Variants in ASIC2 observed in about 807,000 individuals in gnomAD.
ASIC2 encodes the protein acid-sensing ion channel 2.
ASIC2 carries 25 observed loss-of-function variants against 57.3 expected under a neutral mutation model. That is an observed-to-expected ratio of 0.44 (90% CI 0.32 to 0.61). The LOEUF is 0.61. ASIC2 is among the 20% of genes least tolerant of loss of function. The pLI is 0.06. For missense variants in ASIC2, 641 were observed against 738.1 expected, an observed-to-expected ratio of 0.87 and a Z score of 1.52; for synonymous variants, 319 against 307.5, an observed-to-expected ratio of 1.04 and a Z score of -0.39.
intron 1 of ASIC2, among the ~76,000 whole-genome samples, chr17:33,402,164 T>C (rs11080217): frequency 0.48 from 72,793 of 151,988 alleles, 17,723 homozygotes; most frequent in South Asian, 0.54. Context: ...GGGTTAGATC[T>C]GAGGGGCCAC....
intron 1 of ASIC2, among the ~76,000 whole-genome samples, chr17:33,320,064 C>G (rs1184697910): frequency 6.6e-6 from 1 of 152,094 alleles, no homozygotes; most frequent in Non-Finnish European, 1.5e-5. Context: ...TAATAAGGAG[C>G]TCGTGGAGCA....
At chr17:33,035,126 G>A (rs2091903734) in intron 3 of ASIC2, among the ~76,000 whole-genome samples, 1 of 151,988 alleles carries the variant, frequency 6.6e-6, no homozygotes, top group African/African-American at 2.4e-5. Context: ...GCAACAATTT[G>A]TAAATTTCAG....
intron 1 of ASIC2, among the ~76,000 whole-genome samples, chr17:33,805,702 T>A (rs1469474581): frequency 6.6e-6 from 1 of 152,148 alleles, no homozygotes; most frequent in Admixed American, 6.5e-5. Context: ...TTCTGACGTT[T>A]CCCTTTCAGA....
Position 33,902,860 on chromosome 17 carries a change from AT to A in ASIC2, c.555+253117del, listed in dbSNP as rs1915261602. Among the ~76,000 whole-genome samples the A allele has an allele frequency of 2.0e-5, 3 of 152,178 alleles. No homozygotes were observed. In the South Asian group the frequency reaches 6.2e-4, roughly 32 times the overall value. Reference sequence around the variant, plus strand: ...TCCTGCCATTTCCCCAAAACCATCAATTTCTAGGAAATCAATGTCAAACCCA... The same window carrying A: ...TCCTGCCATTTCCCCAAAACCATCAATTCTAGGAAATCAATGTCAAACCCA... On this transcript the variant is annotated intron_variant, in intron 1 of 9. Coordinates refer to the ASIC2 transcript ENST00000359872.
chr17:33,710,895 A>G lies in ASIC2; in HGVS notation c.555+445083T>C, dbSNP rs189297914. 3.9e-5 allele frequency among the ~76,000 whole-genome samples: 6 copies of G among 152,218 alleles called. No individual in the cohort carries two copies. The East Asian group carries it at 1.2e-3, about 29-fold the overall frequency. ...CCTGGGTTATAAATAAGATGACGCT[A>G]TTTTGTTAAAAAGCAGTAGTTTGAG... is the stretch of plus-strand genomic sequence containing the variant. On this transcript the variant is annotated intron_variant, in intron 1 of 9. Coordinates refer to the ASIC2 transcript ENST00000359872.
intron 1 of ASIC2, among the ~76,000 whole-genome samples, chr17:33,267,716 G>A (rs1458124910): frequency 6.6e-6 from 1 of 152,238 alleles, no homozygotes; most frequent in Non-Finnish European, 1.5e-5. Context: ...AGCTGCACAG[G>A]CATCTTGCAG....
intron 1 of ASIC2, among the ~76,000 whole-genome samples, chr17:33,579,919 A>G (rs966711564): frequency 6.6e-6 from 1 of 152,114 alleles, no homozygotes; most frequent in Non-Finnish European, 1.5e-5. Flanking sequence ...CATTTTACAG[A>G]GAGCTGATTG....
rs1252789833 is a variant in ASIC2, at chr17:33,671,799, T to A, written c.555+484179A>T. 2.0e-5 allele frequency among the ~76,000 whole-genome samples: 3 copies of A among 152,220 alleles called. No homozygotes were observed. The East Asian group carries it at 5.8e-4, about 29-fold the overall frequency. On this transcript the variant is annotated intron_variant, in intron 1 of 9. Transcript: ENST00000359872. The stretch of plus-strand genomic sequence containing the variant: ...CGCGAGATGCACCGCTTCATGCTTT[T>A]ATTAGGAACCTGATAAATGGAACCA...
intron 1 of ASIC2, among the ~76,000 whole-genome samples, chr17:33,945,184 C>A (rs372843045): frequency 2.0e-5 from 3 of 152,296 alleles, no homozygotes; most frequent in African/African-American, 7.2e-5. Flanking sequence ...CACTTAACAT[C>A]CCGAACCTGT....
intron 1 of ASIC2, among the ~76,000 whole-genome samples, chr17:33,256,085 T>TA (rs1567800675): frequency 6.6e-6 from 1 of 152,166 alleles, no homozygotes; most frequent in Non-Finnish European, 1.5e-5. Flanking sequence ...AGTGGTCACT[T>TA]AAAAAAATAC....
chr17:33,311,919 C>A (rs772616342), intron 1 of ASIC2, among the ~76,000 whole-genome samples: 2 of 152,180 alleles, frequency 1.3e-5, no homozygotes, highest in Non-Finnish European at 2.9e-5. Context: ...ATGGCTCCAC[C>A]ATCTCCCCAG....
chr17:33,199,194 T>C (rs1906757706), intron 1 of ASIC2, among the ~76,000 whole-genome samples: 1 of 152,186 alleles, frequency 6.6e-6, no homozygotes, highest in Admixed American at 6.5e-5. Flanking sequence ...ATAAAAGCCC[T>C]TGTGATGGTG....
At chr17:33,279,957 C>T (rs1019732675) in intron 1 of ASIC2, among the ~76,000 whole-genome samples, 28 of 152,276 alleles carry the variant, frequency 1.8e-4, no homozygotes, top group African/African-American at 6.0e-4. Context: ...ATCCCTCTCC[C>T]GTGTCCCACT....
intron 1 of ASIC2, among the ~76,000 whole-genome samples, chr17:33,414,779 C>T (rs976560104): frequency 6.6e-6 from 1 of 152,090 alleles, no homozygotes; most frequent in East Asian, 1.9e-4. Flanking sequence ...CACATTAGGC[C>T]CCACTCTGCT....
intron 3 of ASIC2, among the ~76,000 whole-genome samples, chr17:33,045,643 C>T (rs4794936): frequency 1.5e-4 from 23 of 152,156 alleles, no homozygotes; most frequent in Admixed American, 7.8e-4. Context: ...AGGGTCATGG[C>T]GGGGGCCACC....
intron 1 of ASIC2, among the ~76,000 whole-genome samples, chr17:33,259,276 C>T (rs933876994): frequency 4.6e-5 from 7 of 152,194 alleles, no homozygotes; most frequent in Non-Finnish European, 8.8e-5. Context: ...AGGCCTCCAT[C>T]GCTGGTGGCA....
intron 1 of ASIC2, among the ~76,000 whole-genome samples, chr17:34,050,254 T>C (rs1300177750): frequency 2.6e-5 from 4 of 152,190 alleles, no homozygotes; most frequent in East Asian, 3.8e-4. Flanking sequence ...CAGAGATTAT[T>C]TGTCACCACT....
At chr17:33,496,385 C>T (rs1255992110) in intron 1 of ASIC2, among the ~76,000 whole-genome samples, 2 of 152,042 alleles carry the variant, frequency 1.3e-5, no homozygotes, top group African/African-American at 2.4e-5. Context: ...GGTTGTCTTC[C>T]TCAGGATAGA....
intron 1 of ASIC2, among the ~76,000 whole-genome samples, chr17:33,250,770 T>C (rs1017585881): frequency 3.3e-5 from 5 of 151,964 alleles, no homozygotes; most frequent in Admixed American, 3.3e-4. Flanking sequence ...CTTCCTTATC[T>C]CCCCCAAGGG....
Sources: allele counts gnomAD v4.1 joint callset (sites outside exome capture counted in the v4.1 genomes callset), GRCh38; gene constraint gnomAD v4.1.1; transcripts MANE v1.5; gene names NCBI Gene and HGNC (gene_info 2026-07-23, HGNC 2026-07-21).